The following FAR2 variants were observed in gnomAD, a reference collection of about 807,000 sequenced individuals.
FAR2 encodes the protein fatty acyl-CoA reductase 2.
Under a neutral mutation model 56.0 loss-of-function variants are expected in FAR2, and 19 were observed. The observed-to-expected ratio is 0.34, with a 90% CI of 0.24 to 0.50. The LOEUF is 0.50. Ranked by LOEUF, FAR2 falls within the 20% of genes least tolerant of loss-of-function variation. The pLI, the probability that FAR2 is intolerant of heterozygous loss-of-function variation, is 0.98. For missense variants in FAR2, 508 were observed against 642.2 expected, an observed-to-expected ratio of 0.79 and a Z score of 2.26; for synonymous variants, 219 against 218.8, an observed-to-expected ratio of 1.00 and a Z score of -0.01.
chr12:29,293,162 C>A, intron 2 of FAR2, 138 bp from the exon 3 acceptor site: 1 of 674,634 alleles, frequency 1.5e-6, no homozygotes, highest in Non-Finnish European at 2.3e-6. Flanking sequence ...CCACCATGCC[C>A]AGCCAGATGT....
intron 1 of FAR2, among the ~76,000 whole-genome samples, chr12:29,243,066 G>T (rs943690333): frequency 2.6e-5 from 4 of 152,150 alleles, no homozygotes; most frequent in Non-Finnish European, 5.9e-5. Flanking sequence ...CATTATAGTG[G>T]AAAACGGGAA....
intron 11 of FAR2, chr12:29,333,078 G>T: frequency 2.8e-6 from 1 of 355,568 alleles, no homozygotes; most frequent in Non-Finnish European, 5.5e-6. Context: ...CCAACAGGCA[G>T]GAGACCTGAT....
chr12:29,314,022 C>T (rs1949399640), intron 8 of FAR2, among the ~76,000 whole-genome samples: 1 of 152,098 alleles, frequency 6.6e-6, no homozygotes. Flanking sequence ...TGGCTGTATC[C>T]CACACATTTA....
chr12:29,311,258 G>C, intron 7 of FAR2, 112 bp downstream of exon 7: 1 of 711,670 alleles, frequency 1.4e-6, no homozygotes, highest in Non-Finnish European at 2.5e-6. Context: ...ATGTGTGAAA[G>C]TGCGTATTTC....
At chr12:29,318,293 ATT>A in intron 9 of FAR2, among the ~76,000 whole-genome samples, 1 of 152,324 alleles carries the variant, frequency 6.6e-6, no homozygotes, top group East Asian at 1.9e-4. Context: ...AAACATTGTG[ATT>A]ATGGGGAAAA....
At chr12:29,298,093 C>G (rs1402722541) in intron 4 of FAR2, among the ~76,000 whole-genome samples, 2 of 150,666 alleles carry the variant, frequency 1.3e-5, no homozygotes, top group Non-Finnish European at 2.9e-5. Flanking sequence ...CAAGATCTGG[C>G]AGAAGGTGAC....
intron 1 of FAR2, among the ~76,000 whole-genome samples, chr12:29,182,072 G>T (rs1006131277): frequency 3.3e-5 from 5 of 152,196 alleles, no homozygotes; most frequent in Non-Finnish European, 7.3e-5. Flanking sequence ...AGCCATCCTT[G>T]GGTACTAACA....
chr12:29,299,038 A>C (rs573233274), intron 4 of FAR2, among the ~76,000 whole-genome samples: 13 of 152,020 alleles, frequency 8.6e-5, no homozygotes, highest in South Asian at 2.1e-4. Flanking sequence ...ACATGGTGAA[A>C]CCCTGTCTCT....
At chr12:29,180,961 T>C (rs1020059942) in intron 1 of FAR2, among the ~76,000 whole-genome samples, 1 of 152,134 alleles carries the variant, frequency 6.6e-6, no homozygotes, top group Non-Finnish European at 1.5e-5. Flanking sequence ...GATGGCAGCT[T>C]CTTTTTTTAT....
chr12:29,323,210 G>A (rs200129004), intron 10 of FAR2, among the ~76,000 whole-genome samples: 8 of 152,214 alleles, frequency 5.3e-5, no homozygotes, highest in African/African-American at 1.4e-4. Context: ...AGGCACGCCC[G>A]CCATTGCTCA....
chr12:29,169,504 T>C (rs897831112), intron 1 of FAR2, among the ~76,000 whole-genome samples: 4 of 152,246 alleles, frequency 2.6e-5, no homozygotes, highest in Non-Finnish European at 5.9e-5. Flanking sequence ...GGAGAAGCCA[T>C]GTTGTGCAAC....
intron 1 of FAR2, among the ~76,000 whole-genome samples, chr12:29,179,031 A>G (rs1240867579): frequency 6.6e-6 from 1 of 152,074 alleles, no homozygotes; most frequent in Non-Finnish European, 1.5e-5. Flanking sequence ...CTGTGTCTTC[A>G]GAACATTTTC....
chr12:29,232,643 A>G (rs1947876441), intron 1 of FAR2, among the ~76,000 whole-genome samples: 1 of 151,998 alleles, frequency 6.6e-6, no homozygotes, highest in Non-Finnish European at 1.5e-5. Flanking sequence ...TTTTTTGGTC[A>G]GGCCATCTGA....
intron 10 of FAR2, among the ~76,000 whole-genome samples, chr12:29,326,045 C>T (rs953790400): frequency 1.2e-4 from 18 of 151,148 alleles, no homozygotes; most frequent in South Asian, 2.1e-4. Context: ...ATCAAATAGA[C>T]GCAATAAAAA....
intron 9 of FAR2, among the ~76,000 whole-genome samples, chr12:29,321,340 A>G (rs1018066827): frequency 6.6e-6 from 1 of 152,212 alleles, no homozygotes; most frequent in African/African-American, 2.4e-5. Context: ...AGCCTGGGCA[A>G]CATGGCAAAA....
At chr12:29,326,889 G>C (rs1404027928) in intron 10 of FAR2, among the ~76,000 whole-genome samples, 1 of 152,032 alleles carries the variant, frequency 6.6e-6, no homozygotes, top group African/African-American at 2.4e-5. Context: ...CATAGTGTTG[G>C]AAGTTCTGGC....
At chr12:29,291,415 G>A (rs1191654541) in intron 2 of FAR2, 1 of 456,044 alleles carries the variant, frequency 2.2e-6, no homozygotes, top group South Asian at 1.5e-5. Context: ...CATGCCTACA[G>A]TTTGAAAGCT....
At chr12:29,313,703 CACATT>C (rs895430297) in intron 8 of FAR2, among the ~76,000 whole-genome samples, 8 of 151,994 alleles carry the variant, frequency 5.3e-5, no homozygotes, top group African/African-American at 1.9e-4. Flanking sequence ...TAAAATTTTT[CACATT>C]ACATCAATTT....
At chr12:29,317,521 T>C (rs556777208) in intron 9 of FAR2, among the ~76,000 whole-genome samples, 10 of 152,242 alleles carry the variant, frequency 6.6e-5, no homozygotes, top group South Asian at 2.1e-4. Context: ...AAAGCAGTCA[T>C]AGTGAGAAGC....
Sources: gnomAD v4.1 joint callset for allele counts (sites outside exome capture counted in the v4.1 genomes callset) on GRCh38, gnomAD v4.1.1 for gene constraint, MANE v1.5 for transcripts, NCBI Gene and HGNC (gene_info 2026-07-23, HGNC 2026-07-21) for gene names.